The following TACC2 variants were observed in gnomAD, a reference collection of about 807,000 sequenced individuals.
The protein encoded by TACC2 is transforming acidic coiled-coil-containing protein 2.
TACC2 carries 137 observed loss-of-function variants against 227.3 expected under a neutral mutation model. The ratio of observed to expected loss-of-function variants is 0.60; its 90% CI spans 0.52 to 0.69. TACC2 has a LOEUF of 0.69. Ranked by LOEUF, TACC2 falls within the 30% of genes least tolerant of loss-of-function variation. The probability of loss-of-function intolerance (pLI) is 0.00; values close to 1 mark genes in which losing one functional copy is unlikely to be tolerated. For missense variants in TACC2, 3,470 were observed against 3,694.4 expected (o/e 0.94, Z 1.57); for synonymous variants, 1,523 against 1,487.5 (o/e 1.02, Z -0.55).
chr10:122,201,795 G>GATA (rs1034238700), intron 8 of TACC2, among the ~76,000 whole-genome samples: 1 of 152,092 alleles, frequency 6.6e-6, no homozygotes, highest in Non-Finnish European at 1.5e-5. Context: ...GATGACATTT[G>GATA]ATAATAATAA....
At chr10:122,112,974 A>C (rs2083903326) in intron 5 of TACC2, 1 of 152,044 alleles carries the variant, frequency 6.6e-6, no homozygotes, top group Admixed American at 6.5e-5. Context: ...GAGCTGGGGG[A>C]GGAGCCTGGC....
intron 7 of TACC2, among the ~76,000 whole-genome samples, chr10:122,186,292 A>G (rs536655503): frequency 3.9e-5 from 6 of 152,118 alleles, no homozygotes; most frequent in Non-Finnish European, 7.3e-5. Flanking sequence ...CCAGTAGCTC[A>G]TGCCTATAAT....
At chr10:122,058,908 T>C (rs2076483263) in intron 3 of TACC2, among the ~76,000 whole-genome samples, 1 of 150,734 alleles carries the variant, frequency 6.6e-6, no homozygotes, top group Non-Finnish European at 1.5e-5. Context: ...TTTTTTTTTT[T>C]TGAGACACGG....
chr10:122,149,960 C>T lies in TACC2; in HGVS notation c.5834+6254C>T, dbSNP rs559073752. Among the ~76,000 whole-genome samples, 7 of 152,312 alleles carry T rather than the reference C, an allele frequency of 4.6e-5. No individual in the cohort carries two copies. In the South Asian group the frequency reaches 6.2e-4, roughly 14 times the overall value. On this transcript the variant is annotated intron_variant, in intron 7 of 22. Coordinates refer to ENST00000369005, the MANE Select transcript of TACC2 (RefSeq NM_206862.4). ...GAGACGCGCGGAGGCATTGATGGGT[C>T]CCCTGGTTCCCGCTCAGTCTCCGAA...
chr10:122,044,905 A>T (rs562504964), intron 2 of TACC2, among the ~76,000 whole-genome samples: 5 of 152,224 alleles, frequency 3.3e-5, no homozygotes, highest in Admixed American at 3.3e-4. Flanking sequence ...AGGCTTGCCA[A>T]TTGTTTTTCC....
intron 2 of TACC2, among the ~76,000 whole-genome samples, chr10:122,025,967 T>C (rs918829268): frequency 6.6e-6 from 1 of 151,994 alleles, no homozygotes; most frequent in African/African-American, 2.4e-5. Context: ...AGATATTTTC[T>C]TCCATTCTGT....
chr10:122,210,436 G>A lies in TACC2; in HGVS notation c.6011G>A (p.Arg2004Gln), dbSNP rs373068885. The change falls in exon 9 of 23, where the codon CGG becomes CAG. Residue 2004 changes from arginine (R) to glutamine (Q), a missense_variant. Arg to Gln is a conservative substitution (Grantham distance 43, BLOSUM62 1). Transcript: ENST00000369005. This position sits in a 1 kb window ranked among gnomAD's most constrained non-coding sequence, Gnocchi z 4.6. ...ACAGTCCCTGTCCCTGATGGCCCAC[G>A]GAGCGACTCGGTGGAAGGAAGTCCC... The part of the protein sequence containing the change: ...SETVPVPDGP[R>Q]SDSVEGSPFR... 2.6e-5 allele frequency: 42 copies of A among 1,613,974 alleles called. No individual in the cohort carries two copies. The highest frequency in any genetic ancestry group is 3.3e-4 in the Middle Eastern group (2 of 6,084).
At chr10:122,010,192 C>G (rs534437693) in intron 1 of TACC2, among the ~76,000 whole-genome samples, 1 of 152,138 alleles carries the variant, frequency 6.6e-6, no homozygotes, top group Non-Finnish European at 1.5e-5. Flanking sequence ...GCTGGAACAG[C>G]CTCCCCACCC....
intron 16 of TACC2, among the ~76,000 whole-genome samples, chr10:122,232,541 C>T (rs2095776835): frequency 6.6e-6 from 1 of 152,178 alleles, no homozygotes; most frequent in Non-Finnish European, 1.5e-5. Flanking sequence ...CAGCCCAAGC[C>T]ACCTCTTTTA....
In TACC2 at chr10:122,085,475, A is replaced by C. The variant is rs746610603; in HGVS notation, c.2975A>C (p.Lys992Thr). Residue 992 changes from lysine to threonine, a missense_variant, in exon 4 of 23, where the codon AAG becomes ACG. Coordinates refer to ENST00000369005, the MANE Select transcript of TACC2 (RefSeq NM_206862.4). ...ETCCTGQGPN[K>T]SQQALADALE... ...TGCTGCACTGGGCAGGGGCCAAACA[A>C]GTCTCAACAGGCATTGGCTGATGCC... The C allele has an allele frequency of 5.0e-6, 8 of 1,613,672 alleles. No homozygotes were observed. The Admixed American group carries it at 1.3e-4, about 27-fold the overall frequency.
rs1187371098 is a variant in TACC2 at position 122,082,584 on chromosome 10, T to A, written c.147-63T>A. On this transcript the variant is annotated intron_variant, in intron 3 of 22. Coordinates refer to ENST00000369005, the MANE Select transcript of TACC2 (RefSeq NM_206862.4). ...TGTGGGGGTGGGTTGGGGGGTGACC[T>A]GCCTGCAGTGTGGCTCTGTCCTTGG... The A allele has an allele frequency of 2.6e-6, 4 of 1,537,618 alleles. No individual in the cohort carries two copies. In the Admixed American group the frequency reaches 5.8e-5, roughly 22 times the overall value.
rs749612529 is a variant in TACC2 at position 122,085,511 on chromosome 10, G to C, written c.3011G>C (p.Gly1004Ala). ...GCATTGGCTGATGCCTTGGAAGAAG[G>C]CAGCCAGCATGAAGAAGCATGTCAA... ...QQALADALEE[G>A]SQHEEACQRH... Residue 1004 changes from glycine (G) to alanine (A), a missense_variant, in exon 4 of 23, where the codon GGC becomes GCC. Physicochemically the swap from Gly to Ala is moderately conservative, Grantham distance 60. This residue lies in a region of TACC2 where 1,924 missense variants were observed against 1,978.3 expected (regional missense o/e 0.97). Transcript: ENST00000369005. 1 of 1,613,520 alleles carries C rather than the reference G, an allele frequency of 6.2e-7. No homozygotes were observed. Among genetic ancestry groups the C allele is most frequent in the South Asian group, 1.1e-5 (1 of 91,090 alleles).
At chr10:122,231,989 A>T (rs1398451699) in intron 16 of TACC2, among the ~76,000 whole-genome samples, 1 of 152,216 alleles carries the variant, frequency 6.6e-6, no homozygotes, top group East Asian at 1.9e-4. Flanking sequence ...CCCCGCAGTG[A>T]GGTCTCCTTG....
Position 122,237,947 on chromosome 10 carries a change from C to G in TACC2, c.8272-14C>G. 1 of 1,606,130 alleles carries G rather than the reference C, an allele frequency of 6.2e-7. No homozygotes were observed. Among genetic ancestry groups the G allele is most frequent in the Non-Finnish European group, 8.5e-7 (1 of 1,173,154 alleles). ...ATTTGGGGCTAACCTTTCTCTTCTT[C>G]TCTCTGAAACTAGATCATAACCAAG... On this transcript the variant is annotated splice_polypyrimidine_tract_variant and intron_variant, in intron 17 of 22. Coordinates refer to ENST00000369005, the MANE Select transcript of TACC2 (RefSeq NM_206862.4).
rs912163377 is a variant in TACC2 at position 122,241,336 on chromosome 10, C to T, written c.8349-622C>T. On this transcript the variant is annotated intron_variant, in intron 18 of 22. Transcript: ENST00000369005. ...AGATGGAATCTCGCTCTGTTGCCCA[C>T]GCTGGAGTACAGTGGCACAATCATA... Among the ~76,000 whole-genome samples the T allele has an allele frequency of 2.6e-5, 4 of 152,066 alleles. No homozygotes were observed. The South Asian group carries it at 6.2e-4, about 24-fold the overall frequency.
At chr10:122,225,468 C>T (rs921034429) in intron 12 of TACC2, among the ~76,000 whole-genome samples, 10 of 152,244 alleles carry the variant, frequency 6.6e-5, no homozygotes, top group African/African-American at 2.4e-4. Context: ...ACAGGCTTAA[C>T]TCATGCGCCA....
Position 122,113,903 on chromosome 10 carries a change from G to A in TACC2, c.5574-18706G>A, listed in dbSNP as rs147764433. Among the ~76,000 whole-genome samples, 869 of 152,362 alleles carry A rather than the reference G, an allele frequency of 5.7e-3. 7 individuals are homozygous for A. Among genetic ancestry groups the A allele is most frequent in the Non-Finnish European group, 9.5e-3 (647 of 68,038 alleles). On this transcript the variant is annotated intron_variant, in intron 5 of 22. Coordinates refer to ENST00000369005, the MANE Select transcript of TACC2 (RefSeq NM_206862.4). Reference sequence around the variant, plus strand: ...GGTGTCCTCGAAATCCAGTGTCGGGGCGCTGGGATTTGCTGCCCAGGCTCC... The same window carrying A: ...GGTGTCCTCGAAATCCAGTGTCGGGACGCTGGGATTTGCTGCCCAGGCTCC...
chr10:122,181,921 G>T (rs2093983583), intron 7 of TACC2, among the ~76,000 whole-genome samples: 1 of 152,152 alleles, frequency 6.6e-6, no homozygotes, highest in Non-Finnish European at 1.5e-5. Flanking sequence ...AGGAACAAAA[G>T]ATTTAAGTCT....
chr10:122,084,045 C>G lies in TACC2; in HGVS notation c.1545C>G (p.Pro515=). The part of the protein sequence containing the change: ...QSHEVQPGVP[P]PPLPKEQSHE... ...ATGAGGTCCAACCAGGAGTACCACC[C>G]CCTCCTCTTCCCAAGGAGCAAAGCC... Residue 515 remains proline, a synonymous_variant, in exon 4 of 23, where the codon CCC becomes CCG. Transcript: ENST00000369005. The G allele has an allele frequency of 6.2e-7, 1 of 1,613,798 alleles. No individual in the cohort carries two copies. Among genetic ancestry groups the G allele is most frequent in the Non-Finnish European group, 8.5e-7 (1 of 1,179,928 alleles).
Sources: allele counts gnomAD v4.1 joint callset (sites outside exome capture counted in the v4.1 genomes callset), GRCh38; gene constraint gnomAD v4.1.1; regional missense constraint gnomAD v4.1.1; non-coding constraint Gnocchi (gnomAD v3.1); transcripts MANE v1.5; gene names NCBI Gene and HGNC (gene_info 2026-07-23, HGNC 2026-07-21).